Variants in PDE4B observed in about 807,000 individuals in gnomAD.
The protein encoded by PDE4B is phosphodiesterase 4B, also known as 3',5'-cyclic-AMP phosphodiesterase 4B.
PDE4B carries 20 observed loss-of-function variants against 82.2 expected under a neutral mutation model. The observed-to-expected ratio is 0.24, with a 90% CI of 0.17 to 0.35. The LOEUF is 0.35. Ranked by LOEUF, PDE4B falls within the 10% of genes least tolerant of loss-of-function variation. PDE4B has a pLI of 1.00. For missense variants in PDE4B, 655 were observed against 907.2 expected (o/e 0.72, Z 3.57); for synonymous variants, 320 against 318.9 (o/e 1.00, Z -0.04).
chr1:66,041,362 T>C (rs1654360996), intron 3 of PDE4B, among the ~76,000 whole-genome samples: 1 of 152,002 alleles, frequency 6.6e-6, no homozygotes, highest in Admixed American at 6.6e-5. Context: ...ACAATCTCTC[T>C]TGATGTTAGT....
intron 7 of PDE4B, among the ~76,000 whole-genome samples, chr1:66,291,592 G>C (rs1033980560): frequency 6.6e-6 from 1 of 152,138 alleles, no homozygotes; most frequent in Admixed American, 6.6e-5. Context: ...TCTTTTGAAA[G>C]CAAACATCCT....
At chr1:66,014,772 A>G (rs1164776078) in intron 3 of PDE4B, among the ~76,000 whole-genome samples, 2 of 152,124 alleles carry the variant, frequency 1.3e-5, no homozygotes, top group African/African-American at 4.8e-5. Context: ...GAGTGGGGGT[A>G]GCAGTTGTTA....
chr1:66,235,162 T>C (rs1328427294), intron 3 of PDE4B, among the ~76,000 whole-genome samples: 1 of 152,240 alleles, frequency 6.6e-6, no homozygotes, highest in Non-Finnish European at 1.5e-5. Context: ...ACTTGTTTTA[T>C]AGACTAGAAC....
At chr1:65,943,672 T>A (rs1055255035) in intron 3 of PDE4B, among the ~76,000 whole-genome samples, 4 of 151,900 alleles carry the variant, frequency 2.6e-5, no homozygotes, top group African/African-American at 9.7e-5. Context: ...CTTCTTCAAT[T>A]TCAATGTTTT....
rs553974399 is a variant in PDE4B, at chr1:66,147,875, A to G, written c.282-99585A>G. ...TTGAGGCACTAATTATTTGGAACGT[A>G]CCCAAGTAAACCCTACCAAGTCTTG... On this transcript the variant is annotated intron_variant, in intron 3 of 16. Transcript: ENST00000341517. Among the ~76,000 whole-genome samples the G allele has an allele frequency of 6.6e-5, 10 of 152,300 alleles. No individual in the cohort carries two copies. The South Asian group carries it at 2.1e-3, about 32-fold the overall frequency.
intron 1 of PDE4B, among the ~76,000 whole-genome samples, chr1:65,825,995 T>G (rs1367917875): frequency 6.6e-6 from 1 of 152,202 alleles, no homozygotes; most frequent in African/African-American, 2.4e-5. Flanking sequence ...TGGACTAACA[T>G]AAGATATTCT....
intron 3 of PDE4B, among the ~76,000 whole-genome samples, chr1:66,021,054 C>T (rs967392569): frequency 2.0e-5 from 3 of 152,192 alleles, no homozygotes; most frequent in Admixed American, 6.5e-5. Flanking sequence ...ATTTGCATTT[C>T]TCTGATGGCC....
At chr1:66,203,974 G>A (rs545397695) in intron 3 of PDE4B, among the ~76,000 whole-genome samples, 2 of 151,416 alleles carry the variant, frequency 1.3e-5, no homozygotes, top group South Asian at 4.2e-4. Context: ...CCATCTTTGT[G>A]GTTTTATCTA....
chr1:65,847,068 C>A (rs1213481509), intron 1 of PDE4B, among the ~76,000 whole-genome samples: 1 of 152,320 alleles, frequency 6.6e-6, no homozygotes, highest in East Asian at 1.9e-4. Context: ...ACAGTCATAA[C>A]ATTTTCTAAT....
intron 1 of PDE4B, among the ~76,000 whole-genome samples, chr1:65,909,796 T>C (rs1344304389): frequency 2.0e-5 from 3 of 152,208 alleles, no homozygotes; most frequent in African/African-American, 7.2e-5. Context: ...TTACAACATT[T>C]GCCTTAAATA....
intron 3 of PDE4B, among the ~76,000 whole-genome samples, chr1:66,197,560 C>A (rs1351144309): frequency 6.6e-6 from 1 of 152,086 alleles, no homozygotes; most frequent in Non-Finnish European, 1.5e-5. Flanking sequence ...TACAGATATG[C>A]AACTTAAACT....
intron 1 of PDE4B, among the ~76,000 whole-genome samples, chr1:65,857,506 G>A (rs537194074): frequency 1.3e-5 from 2 of 152,252 alleles, no homozygotes; most frequent in South Asian, 4.2e-4. Context: ...GTTAAGAGAA[G>A]CGATGTGGAT....
chr1:66,181,986 T>C (rs1647074729), intron 3 of PDE4B, among the ~76,000 whole-genome samples: 2 of 150,324 alleles, frequency 1.3e-5, no homozygotes, highest in African/African-American at 5.0e-5. Flanking sequence ...TTAAATGCTA[T>C]TTTTTTTGAT....
intron 1 of PDE4B, among the ~76,000 whole-genome samples, chr1:65,846,247 C>G (rs1285286081): frequency 2.6e-5 from 4 of 152,168 alleles, no homozygotes; most frequent in African/African-American, 9.7e-5. Context: ...GGAGAAAGCA[C>G]AGAGAGAGGA....
chr1:65,975,846 C>T (rs2100639008), intron 3 of PDE4B, among the ~76,000 whole-genome samples: 1 of 152,322 alleles, frequency 6.6e-6, no homozygotes, highest in Non-Finnish European at 1.5e-5. Context: ...TTGGAAACCT[C>T]CACCTAGATT....
intron 7 of PDE4B, among the ~76,000 whole-genome samples, chr1:66,301,914 A>G (rs1255096723): frequency 6.6e-6 from 1 of 152,172 alleles, no homozygotes; most frequent in South Asian, 2.1e-4. Context: ...TTATAACTCT[A>G]GAGAAAGCTC....
chr1:66,009,780 A>C (rs550367814), intron 3 of PDE4B, among the ~76,000 whole-genome samples: 133 of 152,274 alleles, frequency 8.7e-4, no homozygotes, highest in African/African-American at 3.1e-3. Context: ...ATAGCAGTGC[A>C]CATCTTTGCC....
chr1:66,189,008 G>A (rs1217013897), intron 3 of PDE4B, among the ~76,000 whole-genome samples: 1 of 152,048 alleles, frequency 6.6e-6, no homozygotes, highest in African/African-American at 2.4e-5. Context: ...CTTCCTTCAG[G>A]AGCTCTTTTA....
chr1:66,334,150 G>A (rs2101923423), intron 8 of PDE4B, among the ~76,000 whole-genome samples: 1 of 152,290 alleles, frequency 6.6e-6, no homozygotes, highest in East Asian at 1.9e-4. Flanking sequence ...GCAAGATGTA[G>A]ATCCAACATT....
Sources: allele counts gnomAD v4.1 joint callset (sites outside exome capture counted in the v4.1 genomes callset), GRCh38; gene constraint gnomAD v4.1.1; transcripts MANE v1.5; gene names NCBI Gene and HGNC (gene_info 2026-07-23, HGNC 2026-07-21).